KCNAB2: variants seen among roughly 807,000 people sequenced by gnomAD.
KCNAB2 encodes the protein voltage-gated potassium channel subunit beta-2.
KCNAB2 carries 29 observed loss-of-function variants against 63.6 expected under a neutral mutation model. The ratio of observed to expected loss-of-function variants is 0.46; its 90% CI spans 0.34 to 0.62. The LOEUF is 0.62. Among genes scored for constraint, KCNAB2 ranks in the 20% least tolerant of loss-of-function variants. The pLI, the probability that KCNAB2 is intolerant of heterozygous loss-of-function variation, is 0.01. For missense variants in KCNAB2, 359 were observed against 563.9 expected (o/e 0.64, Z 3.68); for synonymous variants, 222 against 224.2 (o/e 0.99, Z 0.09).
intron 15 of KCNAB2, chr1:6,098,157 C>G (rs1022514396): frequency 3.7e-5 from 40 of 1,077,002 alleles, no homozygotes; most frequent in Non-Finnish European, 4.3e-5. Flanking sequence ...GCAGGCGCAG[C>G]TGGAAAAAGC....
At chr1:6,059,038 C>T (rs567939282) in intron 2 of KCNAB2, among the ~76,000 whole-genome samples, 1 of 152,162 alleles carries the variant, frequency 6.6e-6, no homozygotes, top group African/African-American at 2.4e-5. Flanking sequence ...CTTCCCTCCC[C>T]CACAGGGCTG....
chr1:6,041,704 G>C (rs1454754734), upstream of KCNAB2: 2 of 788,964 alleles, frequency 2.5e-6, no homozygotes, highest in Non-Finnish European at 4.3e-6. Context: ...GGCGACTGGT[G>C]GGGGCCCGGG....
At chr1:6,001,678 C>G (rs1657271307) in intron 1 of KCNAB2, among the ~76,000 whole-genome samples, 1 of 152,122 alleles carries the variant, frequency 6.6e-6, no homozygotes, top group Non-Finnish European at 1.5e-5. Flanking sequence ...TAACACCTGT[C>G]CCCAGGCTTG....
chr1:6,007,139 A>C (rs977689603), intron 1 of KCNAB2, among the ~76,000 whole-genome samples: 1 of 152,068 alleles, frequency 6.6e-6, no homozygotes, highest in African/African-American at 2.4e-5. Context: ...CAGCCAGGCG[A>C]GCTGGGAGCG....
chr1:6,097,160 A>C lies in KCNAB2; in HGVS notation c.1070-109A>C, dbSNP rs565962045. On this transcript the variant is annotated intron_variant, in intron 14 of 15. Coordinates refer to ENST00000378083, the MANE Select transcript of KCNAB2 (RefSeq NM_001199862.2). ...TGCAGGGCTTCCTAGACCCCCTCAG[A>C]CCCCCAGACCAAGATGCTGGGTCTC... 5,877 of 1,280,566 alleles carry C rather than the reference A, an allele frequency of 4.6e-3. 61 individuals carry two copies. The Middle Eastern group carries it at 0.054, about 12-fold the overall frequency. The allele number at this position is 1,280,566 out of a possible 1,614,324, so 79.3% of individuals were successfully genotyped here. A position where few individuals can be genotyped will look rare whatever the true frequency, so the allele number is the denominator to read the frequency against.
Position 6,086,135 on chromosome 1 carries a change from A to C in KCNAB2, c.425+887A>C. 1.0e-6 allele frequency: 1 copy of C among 985,362 alleles called. No homozygotes were observed. Among genetic ancestry groups the C allele is most frequent in the African/African-American group, 1.7e-5 (1 of 57,314 alleles). 61.0% of individuals were successfully genotyped at this position (985,362 alleles called of 1,614,324 possible). ...GACAAGCCCCGGGGCCCTGTTCCTT[A>C]ATAAATGCGTCTTTATTTTCAGAAA... On this transcript the variant is annotated intron_variant, in intron 6 of 15. Transcript: ENST00000378083. The surrounding 1 kb of genome is among the most constrained non-coding windows in gnomAD (Gnocchi z 4.2).
At chr1:6,043,563 G>A (rs7520094), upstream of KCNAB2, among the ~76,000 whole-genome samples, 20 of 152,222 alleles carry the variant, frequency 1.3e-4, no homozygotes, top group Admixed American at 1.2e-3. Flanking sequence ...TCTCCAGGGG[G>A]TCACTTGGGT....
Position 6,035,431 on chromosome 1 carries a change from C to T in KCNAB2, c.-53+637C>T, listed in dbSNP as rs1343988806. 6.6e-6 allele frequency among the ~76,000 whole-genome samples: 1 copy of T among 152,110 alleles called. No homozygotes were observed. The highest frequency in any genetic ancestry group is 2.4e-5 in the African/African-American group (1 of 41,416). On this transcript the variant is annotated intron_variant, in intron 1 of 15. Coordinates refer to the KCNAB2 transcript ENST00000164247. The surrounding 1 kb of genome is among the most constrained non-coding windows in gnomAD (Gnocchi z 5.0). ...GGGGTGGAGGTGGGCGCAGGGAATG[C>T]TGTGAGGAGCAGCATGAGAGCCGGT...
rs938395171 is a variant in KCNAB2 at position 6,046,010 on chromosome 1, G to C, written c.-200G>C. ...ACGCCCTAATAGAACTAATGGACTC[G>C]CTGCCTCAAAACTCGACTCTGGTGG... On this transcript the variant is annotated 5_prime_UTR_variant, in exon 1 of 16. Coordinates refer to ENST00000378083, the MANE Select transcript of KCNAB2 (RefSeq NM_001199862.2). The C allele has an allele frequency of 7.1e-6, 7 of 985,406 alleles. No individual in the cohort carries two copies. The African/African-American group carries it at 8.7e-5, about 12-fold the overall frequency. 61.0% of individuals were successfully genotyped at this position (985,406 alleles called of 1,614,324 possible). A position where few individuals can be genotyped will look rare whatever the true frequency, so the allele number is the denominator to read the frequency against.
In KCNAB2 at chr1:6,073,582, T is replaced by A. The variant is rs1301723746; in HGVS notation, c.263-151T>A. 2 of 726,556 alleles carry A rather than the reference T, an allele frequency of 2.8e-6. No individual in the cohort carries two copies. Among genetic ancestry groups the A allele is most frequent in the Non-Finnish European group, 5.0e-6 (2 of 402,920 alleles). The allele number at this position is 726,556 out of a possible 1,614,324, so 45.0% of individuals were successfully genotyped here. A position where few individuals can be genotyped will look rare whatever the true frequency, so the allele number is the denominator to read the frequency against. The stretch of plus-strand genomic sequence containing the variant: ...CAGGACTTTCTCTGAAGGCCAGCTG[T>A]CCACACACACTAAGGACACCCTGGC... On this transcript the variant is annotated intron_variant, in intron 3 of 15. Transcript: ENST00000378083. This position sits in a 1 kb window ranked among gnomAD's most constrained non-coding sequence, Gnocchi z 5.7.
In KCNAB2 at chr1:6,096,845, C is replaced by T. The variant is rs779198426; in HGVS notation, c.1069+89C>T. ...TAACAGGGTGGGGTTGCCATGGGGC[C>T]AGTGTCTCCGGGGAGAGAGGGAAGG... On this transcript the variant is annotated intron_variant, in intron 14 of 15. Coordinates refer to ENST00000378083, the MANE Select transcript of KCNAB2 (RefSeq NM_001199862.2). This position sits in a 1 kb window ranked among gnomAD's most constrained non-coding sequence, Gnocchi z 5.9. The T allele has an allele frequency of 2.1e-4, 305 of 1,428,236 alleles. No homozygotes were observed. The highest frequency in any genetic ancestry group is 2.6e-4 in the Non-Finnish European group (284 of 1,075,274). The allele number at this position is 1,428,236 out of a possible 1,614,324, so 88.5% of individuals were successfully genotyped here.
chr1:6,095,430 G>C lies in KCNAB2; in HGVS notation c.840G>C (p.Leu280=), dbSNP rs924317122. The part of the protein sequence containing the change: ...REKVEVQLPE[L]FHKIGVGAMT... ...AAGTGGAGGTGCAGCTGCCGGAGCT[G>C]TTCCACAAGATAGGTGGGCACCCTC... The change falls in exon 12 of 16, where the codon CTG becomes CTC. Residue 280 remains leucine (L), a synonymous_variant. Transcript: ENST00000378083. The C allele has an allele frequency of 6.2e-7, 1 of 1,612,992 alleles. No individual in the cohort carries two copies. Among genetic ancestry groups the C allele is most frequent in the South Asian group, 1.1e-5 (1 of 91,090 alleles).
At position 6,071,902 on chromosome 1, in the gene KCNAB2, G is replaced by A. The variant is rs1440090878; in HGVS notation, c.219-853G>A. 5.9e-5 allele frequency among the ~76,000 whole-genome samples: 9 copies of A among 151,836 alleles called. No individual in the cohort carries two copies. The highest frequency in any genetic ancestry group is 3.9e-4 in the East Asian group (2 of 5,170). ...CCTGCCGCGTAGGGCTCCTCCTGCC[G>A]CGTAGGGCTCCCGGGAGGATCCGGG... is the stretch of plus-strand genomic sequence containing the variant. On this transcript the variant is annotated intron_variant, in intron 2 of 15. Transcript: ENST00000378083. The surrounding 1 kb of genome is among the most constrained non-coding windows in gnomAD (Gnocchi z 8.5).
chr1:6,076,593 G>C (rs1230267055), intron 4 of KCNAB2, among the ~76,000 whole-genome samples: 3 of 152,230 alleles, frequency 2.0e-5, no homozygotes, highest in Admixed American at 2.0e-4. Context: ...GGGAAGCTGA[G>C]CCTCTGGCTA....
At chr1:6,033,442 C>T (rs180779693), upstream of KCNAB2, among the ~76,000 whole-genome samples, 369 of 148,754 alleles carry the variant, frequency 2.5e-3, 2 homozygotes, top group African/African-American at 8.7e-3. Flanking sequence ...ATGTGGTGTG[C>T]GTGTGTGTGC....
rs1237944120 is a variant in KCNAB2, at chr1:6,071,971, G to T, written c.219-784G>T. On this transcript the variant is annotated intron_variant, in intron 2 of 15. Coordinates refer to ENST00000378083, the MANE Select transcript of KCNAB2 (RefSeq NM_001199862.2). The surrounding 1 kb of genome is among the most constrained non-coding windows in gnomAD (Gnocchi z 8.5). ...TGCCTGGCCTGCTGCAACCCTGCAGGCTCCTAGGCAACCTGTGCCAGGACA... is the reference window on the plus strand; with the variant it reads ...TGCCTGGCCTGCTGCAACCCTGCAGTCTCCTAGGCAACCTGTGCCAGGACA... 2.0e-5 allele frequency among the ~76,000 whole-genome samples: 3 copies of T among 152,172 alleles called. No individual in the cohort carries two copies. Among genetic ancestry groups the T allele is most frequent in the Non-Finnish European group, 4.4e-5 (3 of 67,986 alleles).
intron 5 of KCNAB2, among the ~76,000 whole-genome samples, chr1:6,083,523 G>A (rs1025115992): frequency 1.3e-5 from 2 of 152,210 alleles, no homozygotes; most frequent in African/African-American, 2.4e-5. Flanking sequence ...CTCGGAAGCC[G>A]CTTGCCAGAA....
upstream of KCNAB2, among the ~76,000 whole-genome samples, chr1:6,031,118 G>A (rs984155082): frequency 1.1e-4 from 17 of 152,106 alleles, no homozygotes; most frequent in African/African-American, 3.9e-4. The surrounding 1 kb of genome is among the most constrained non-coding windows in gnomAD (Gnocchi z 4.1). Context: ...CCCACACCAG[G>A]TCAAATCAGA....
chr1:6,079,731 G>A lies in KCNAB2; in HGVS notation c.301-2464G>A, dbSNP rs115848443. 4.0e-3 allele frequency among the ~76,000 whole-genome samples: 615 copies of A among 152,294 alleles called. 7 individuals carry two copies. The highest frequency in any genetic ancestry group is 0.014 in the African/African-American group (586 of 41,554). On this transcript the variant is annotated intron_variant, in intron 4 of 15. Coordinates refer to ENST00000378083, the MANE Select transcript of KCNAB2 (RefSeq NM_001199862.2). ...GCTGGAGGCAGGGAGCGGGGAAGGGGAGTTACTGTTCAATGGGTACAGTTT... is the reference window on the plus strand; with the variant it reads ...GCTGGAGGCAGGGAGCGGGGAAGGGAAGTTACTGTTCAATGGGTACAGTTT...
Sources: allele counts gnomAD v4.1 joint callset (sites outside exome capture counted in the v4.1 genomes callset), GRCh38; gene constraint gnomAD v4.1.1; non-coding constraint Gnocchi (gnomAD v3.1); transcripts MANE v1.5; gene names NCBI Gene and HGNC (gene_info 2026-07-23, HGNC 2026-07-21).